Variants in KLHL1 observed in about 807,000 individuals in gnomAD.
KLHL1 encodes the protein kelch-like protein 1.
KLHL1 carries 47 observed loss-of-function variants against 77.7 expected under a neutral mutation model. That is an observed-to-expected ratio of 0.60 (90% CI 0.48 to 0.77). KLHL1 has a LOEUF of 0.77. KLHL1 is among the 30% of genes least tolerant of loss of function. KLHL1 has a pLI of 0.00. For synonymous variants in KLHL1, 360 were observed against 325.2 expected, an observed-to-expected ratio of 1.11 and a Z score of -1.15; for missense variants, 925 against 910.8, an observed-to-expected ratio of 1.02 and a Z score of -0.20.
At chr13:69,743,365 A>C (rs1157531185) in intron 7 of KLHL1, among the ~76,000 whole-genome samples, 2 of 152,222 alleles carry the variant, frequency 1.3e-5, no homozygotes, top group Non-Finnish European at 2.9e-5. Flanking sequence ...ACAAGGTAGT[A>C]GATTGAATTA....
intron 6 of KLHL1, among the ~76,000 whole-genome samples, chr13:69,837,912 C>T (rs767190674): frequency 7.3e-5 from 11 of 151,518 alleles, no homozygotes; most frequent in Non-Finnish European, 1.5e-4. Context: ...CATGTGATGA[C>T]AAACATTTTG....
chr13:69,878,586 A>G (rs1046044789), intron 5 of KLHL1, among the ~76,000 whole-genome samples: 2 of 152,074 alleles, frequency 1.3e-5, no homozygotes, highest in Non-Finnish European at 2.9e-5. Flanking sequence ...GTTTTGCTAT[A>G]TATTAAATAA....
At chr13:69,804,084 G>A (rs1204993848) in intron 6 of KLHL1, among the ~76,000 whole-genome samples, 1 of 152,042 alleles carries the variant, frequency 6.6e-6, no homozygotes, top group African/African-American at 2.4e-5. Flanking sequence ...TTTCAAATGT[G>A]CATTTTTACA....
intron 6 of KLHL1, among the ~76,000 whole-genome samples, chr13:69,837,687 TACAC>T (rs1879079933): frequency 1.4e-5 from 2 of 138,096 alleles, no homozygotes; most frequent in African/African-American, 6.0e-5. Context: ...TATATATATA[TACAC>T]ATATATATAT....
intron 10 of KLHL1, among the ~76,000 whole-genome samples, chr13:69,702,456 T>A (rs2137864475): frequency 6.6e-6 from 1 of 151,872 alleles, no homozygotes; most frequent in South Asian, 2.1e-4. Context: ...AGCTTTTTGA[T>A]ATCAATAATT....
At chr13:69,719,712 AT>A in intron 8 of KLHL1, 131 bp from the exon 9 acceptor site, 2 of 656,590 alleles carry the variant, frequency 3.0e-6, no homozygotes, top group Non-Finnish European at 5.2e-6. Context: ...TTGCAGGGAG[AT>A]TTTGTTAAAG....
chr13:69,759,277 T>C (rs1237001727), intron 7 of KLHL1, among the ~76,000 whole-genome samples: 1 of 152,288 alleles, frequency 6.6e-6, no homozygotes, highest in East Asian at 1.9e-4. Context: ...TGCAAGGCTC[T>C]GGGGGTGCCC....
intron 8 of KLHL1, among the ~76,000 whole-genome samples, chr13:69,724,822 T>G (rs1453005618): frequency 2.0e-5 from 3 of 152,094 alleles, no homozygotes; most frequent in Non-Finnish European, 4.4e-5. Context: ...CAAGCTTGGA[T>G]AGGAAGAAAT....
At chr13:69,716,955 G>A (rs1872788914) in intron 9 of KLHL1, among the ~76,000 whole-genome samples, 2 of 152,066 alleles carry the variant, frequency 1.3e-5, no homozygotes, top group Admixed American at 1.3e-4. Context: ...TTACTAGGGT[G>A]AGGCTCAGTC....
chr13:69,822,481 A>G (rs901862254), intron 6 of KLHL1, among the ~76,000 whole-genome samples: 1 of 152,178 alleles, frequency 6.6e-6, no homozygotes, highest in Non-Finnish European at 1.5e-5. Flanking sequence ...TGAGCACCTA[A>G]ACAAATAATT....
intron 1 of KLHL1, among the ~76,000 whole-genome samples, chr13:70,004,267 A>C (rs979392065): frequency 6.6e-6 from 1 of 151,874 alleles, no homozygotes; most frequent in Non-Finnish European, 1.5e-5. Flanking sequence ...TTAGAAATTT[A>C]GAAAAACGTA....
chr13:69,854,593 G>A (rs183080599), intron 5 of KLHL1, among the ~76,000 whole-genome samples: 2 of 152,166 alleles, frequency 1.3e-5, no homozygotes, highest in East Asian at 1.9e-4. Flanking sequence ...GCAAACTGCA[G>A]TAATTAGATA....
chr13:70,041,158 T>C (rs1228829038), intron 1 of KLHL1, among the ~76,000 whole-genome samples: 2 of 152,148 alleles, frequency 1.3e-5, no homozygotes, highest in African/African-American at 4.8e-5. Flanking sequence ...GTAGACATGT[T>C]TATCATGCTC....
At chr13:70,062,212 T>C (rs1886908354) in intron 1 of KLHL1, among the ~76,000 whole-genome samples, 2 of 152,324 alleles carry the variant, frequency 1.3e-5, no homozygotes, top group East Asian at 1.9e-4. Context: ...AGAAAATTCA[T>C]ATAGAATTAC....
At chr13:69,760,410 C>T (rs1285337874) in intron 7 of KLHL1, among the ~76,000 whole-genome samples, 3 of 152,042 alleles carry the variant, frequency 2.0e-5, no homozygotes, top group African/African-American at 7.2e-5. Flanking sequence ...GGCTGGAGTG[C>T]AAGAGCATGA....
At chr13:69,957,273 A>G (rs540101652) in intron 3 of KLHL1, among the ~76,000 whole-genome samples, 7 of 151,884 alleles carry the variant, frequency 4.6e-5, no homozygotes, top group African/African-American at 1.7e-4. Context: ...AGATTTTACT[A>G]CTTTTAAAAA....
At chr13:69,720,695 G>A (rs1317263590) in intron 8 of KLHL1, among the ~76,000 whole-genome samples, 4 of 151,776 alleles carry the variant, frequency 2.6e-5, no homozygotes, top group African/African-American at 9.7e-5. Context: ...GAGTGGTAGT[G>A]ATTGGAGGTG....
At chr13:69,772,571 C>A (rs950614972) in intron 7 of KLHL1, among the ~76,000 whole-genome samples, 1 of 152,104 alleles carries the variant, frequency 6.6e-6, no homozygotes, top group Admixed American at 6.5e-5. Flanking sequence ...TTTTCTAAAT[C>A]TACTCTAGTT....
chr13:69,971,204 T>A (rs1007381877), intron 2 of KLHL1, among the ~76,000 whole-genome samples: 56 of 152,054 alleles, frequency 3.7e-4, no homozygotes, highest in African/African-American at 1.3e-3. Context: ...AGTGAGAAAT[T>A]AAGAATTTTC....
Sources: allele counts gnomAD v4.1 joint callset (sites outside exome capture counted in the v4.1 genomes callset), GRCh38; gene constraint gnomAD v4.1.1; transcripts MANE v1.5; gene names NCBI Gene and HGNC (gene_info 2026-07-23, HGNC 2026-07-21).